Variants in ATXN8OS observed in about 807,000 individuals in gnomAD.
ATXN8OS encodes ATXN8 opposite strand lncRNA, also known as ATXN8 opposite strand (non-protein coding).
chr13:70,167,619 C>G (rs1422360665), intron 4 of ATXN8OS, among the ~76,000 whole-genome samples: 1 of 150,650 alleles, frequency 6.6e-6, no homozygotes. Context: ...ATGTAACTAA[C>G]CTGCACGTTG....
chr13:70,121,078 AAAAG>A (rs78408387), intron 2 of ATXN8OS, among the ~76,000 whole-genome samples: 22,049 of 152,038 alleles, frequency 0.15, 1,804 homozygotes, highest in East Asian at 0.24. Flanking sequence ...TAATAAAAAA[AAAAG>A]AGAGAAGCCA....
chr13:70,117,678 G>T (rs1888299118), intron 2 of ATXN8OS, among the ~76,000 whole-genome samples: 1 of 152,000 alleles, frequency 6.6e-6, no homozygotes, highest in South Asian at 2.1e-4. Context: ...ATAACCTTGG[G>T]CAAAGTACTT....
chr13:70,108,020 G>T (rs1219714656), intron 1 of ATXN8OS: 2 of 442,452 alleles, frequency 4.5e-6, no homozygotes, highest in African/African-American at 4.0e-5. Flanking sequence ...TTATGGCGAG[G>T]TGGGACAACC....
intron 2 of ATXN8OS, among the ~76,000 whole-genome samples, chr13:70,126,973 A>G (rs1283608834): frequency 6.6e-6 from 1 of 151,846 alleles, no homozygotes; most frequent in African/African-American, 2.4e-5. Context: ...ATCTATAGAT[A>G]CATATATCAA....
At chr13:70,146,960 G>T (rs945689831) in intron 3 of ATXN8OS, among the ~76,000 whole-genome samples, 76 of 152,094 alleles carry the variant, frequency 5.0e-4, no homozygotes, top group Admixed American at 3.3e-4. Context: ...CTTGATGTTA[G>T]TAAGACATGT....
At chr13:70,137,054 G>GA (rs1888627640) in intron 3 of ATXN8OS, among the ~76,000 whole-genome samples, 1 of 152,118 alleles carries the variant, frequency 6.6e-6, no homozygotes, top group Non-Finnish European at 1.5e-5. Context: ...ATCATTCAAA[G>GA]TTCCTTGAAG....
At chr13:70,107,721 A>C (rs371093873), upstream of ATXN8OS, 84 of 1,500,252 alleles carry the variant, frequency 5.6e-5, no homozygotes, top group African/African-American at 1.0e-3. Context: ...AGAAGGCAAA[A>C]GGCTGGCAGC....
upstream of ATXN8OS, chr13:70,107,665 T>C (rs1397546477): frequency 1.3e-6 from 2 of 1,537,962 alleles, no homozygotes; most frequent in South Asian, 2.6e-5. Context: ...CAGAATGTGC[T>C]TCACATCGAA....
chr13:70,167,309 AT>A (rs1203480128), intron 4 of ATXN8OS, among the ~76,000 whole-genome samples: 2 of 152,166 alleles, frequency 1.3e-5, no homozygotes, highest in African/African-American at 2.4e-5. Flanking sequence ...GCACATATAC[AT>A]CATGGAATAC....
At chr13:70,108,131 C>T (rs1477852677) in intron 1 of ATXN8OS, 3 of 404,014 alleles carry the variant, frequency 7.4e-6, no homozygotes, top group Non-Finnish European at 1.3e-5. Flanking sequence ...TGTGGCAGAG[C>T]CTTAGTAGGG....
chr13:70,107,847 G>A (rs1888113219), exon 1 of ATXN8OS: 1 of 623,220 alleles, frequency 1.6e-6, no homozygotes, highest in Non-Finnish European at 2.6e-6. Flanking sequence ...GGTGGGCTGC[G>A]CGCTCTGCCA....
intron 4 of ATXN8OS, among the ~76,000 whole-genome samples, chr13:70,150,986 T>G (rs566702200): frequency 2.4e-4 from 36 of 152,244 alleles, no homozygotes; most frequent in Admixed American, 1.3e-4. Context: ...TATCAAGGTG[T>G]GATTGATACT....
chr13:70,170,736 C>T (rs555367347), exon 5 of ATXN8OS, among the ~76,000 whole-genome samples: 2 of 152,194 alleles, frequency 1.3e-5, no homozygotes, highest in East Asian at 1.9e-4. Context: ...AGTCACGCAT[C>T]ATTTAACGAC....
At chr13:70,119,806 T>C (rs1345887374) in intron 2 of ATXN8OS, among the ~76,000 whole-genome samples, 3 of 152,082 alleles carry the variant, frequency 2.0e-5, no homozygotes, top group Non-Finnish European at 4.4e-5. Context: ...TGTAAAATTA[T>C]CTTCAGACTA....
At chr13:70,127,628 T>G (rs1012479005) in intron 2 of ATXN8OS, among the ~76,000 whole-genome samples, 48 of 151,792 alleles carry the variant, frequency 3.2e-4, no homozygotes, top group Admixed American at 9.9e-4. Flanking sequence ...CAACACGTAC[T>G]TTCACCAGAT....
At chr13:70,157,333 A>T (rs1250712583) in intron 4 of ATXN8OS, among the ~76,000 whole-genome samples, 1 of 152,112 alleles carries the variant, frequency 6.6e-6, no homozygotes, top group African/African-American at 2.4e-5. Flanking sequence ...TAAAGAACAT[A>T]ATTTTTTTTC....
chr13:70,123,544 C>A (rs1888389964), intron 2 of ATXN8OS, among the ~76,000 whole-genome samples: 1 of 152,008 alleles, frequency 6.6e-6, no homozygotes, highest in South Asian at 2.1e-4. Flanking sequence ...AAGGCTTGTA[C>A]CACTGTAACT....
At chr13:70,161,418 G>A (rs1374453687) in intron 4 of ATXN8OS, among the ~76,000 whole-genome samples, 3 of 151,966 alleles carry the variant, frequency 2.0e-5, no homozygotes, top group Non-Finnish European at 2.9e-5. Flanking sequence ...GTCAGGACTT[G>A]CTTTTTTGTT....
At chr13:70,135,416 T>C (rs1566603489) in intron 3 of ATXN8OS, among the ~76,000 whole-genome samples, 1 of 152,088 alleles carries the variant, frequency 6.6e-6, no homozygotes, top group Non-Finnish European at 1.5e-5. Context: ...TTAATGGCTC[T>C]CTCTCTCTCT....
Sources: gnomAD v4.1 joint callset for allele counts (sites outside exome capture counted in the v4.1 genomes callset) on GRCh38, gnomAD v4.1.1 for gene constraint, MANE v1.5 for transcripts, NCBI Gene and HGNC (gene_info 2026-07-23, HGNC 2026-07-21) for gene names.